Variants in ANTXR2 observed in about 807,000 individuals in gnomAD.
ANTXR2 encodes the protein ANTXR cell adhesion molecule 2.
In ANTXR2, 44 loss-of-function variants were observed where a neutral mutation model predicts 73.7. The ratio of observed to expected loss-of-function variants is 0.60; its 90% CI spans 0.47 to 0.77. The LOEUF (loss-of-function observed/expected upper bound fraction) is 0.77, where lower values mean the gene tolerates loss of function less well. Among genes scored for constraint, ANTXR2 ranks in the 30% least tolerant of loss-of-function variants. ANTXR2 has a pLI of 0.00. For synonymous variants in ANTXR2, 217 were observed against 205.9 expected, an observed-to-expected ratio of 1.05 and a Z score of -0.46; for missense variants, 604 against 592.5, an observed-to-expected ratio of 1.02 and a Z score of -0.20.
In ANTXR2 at chr4:79,907,353, T is replaced by C; in HGVS notation, c.*76A>G. ...CCAAAAGCTTCTGAAATGCACTTGA[T>C]TTTTTTCATTTGGTTGAAAATCAGC... On this transcript the variant is annotated 3_prime_UTR_variant, in exon 17 of 17. Coordinates refer to ENST00000403729, the MANE Select transcript of ANTXR2 (RefSeq NM_058172.6). 1 of 1,502,124 alleles carries C rather than the reference T, an allele frequency of 6.7e-7. No homozygotes were observed. The highest frequency in any genetic ancestry group is 1.8e-5 in the Admixed American group (1 of 56,850). 93.0% of individuals were successfully genotyped at this position (1,502,124 alleles called of 1,614,324 possible).
rs573637437 is a variant in ANTXR2, at chr4:80,003,831, C to G, written c.1041+4690G>C. ...TTAGTGGGCATGTGAGATGGTACCA[C>G]CACTCTGGGTAACAGTTTGGCAGTT... On this transcript the variant is annotated intron_variant, in intron 12 of 16. Coordinates refer to ENST00000403729, the MANE Select transcript of ANTXR2 (RefSeq NM_058172.6). Among the ~76,000 whole-genome samples the G allele has an allele frequency of 6.2e-4, 95 of 152,178 alleles. 1 individual carries two copies. In the Middle Eastern group the frequency reaches 0.01, roughly 16 times the overall value.
At chr4:79,993,647 C>T (rs1438562124) in intron 12 of ANTXR2, among the ~76,000 whole-genome samples, 1 of 151,710 alleles carries the variant, frequency 6.6e-6, no homozygotes, top group African/African-American at 2.4e-5. Context: ...GGCAAGGAAC[C>T]CACATCATTT....
intron 8 of ANTXR2, 66 bp from the exon 9 acceptor site, chr4:80,033,636 G>T (rs528932475): frequency 2.5e-6 from 3 of 1,209,420 alleles, no homozygotes; most frequent in East Asian, 2.5e-5. Context: ...AACACAAGCT[G>T]AAATGAAAGT....
intron 16 of ANTXR2, among the ~76,000 whole-genome samples, chr4:79,923,252 A>G (rs774097744): frequency 1.3e-5 from 2 of 152,190 alleles, no homozygotes; most frequent in Non-Finnish European, 2.9e-5. Flanking sequence ...AAAACAAAAT[A>G]CAATGGTCGA....
intron 3 of ANTXR2, among the ~76,000 whole-genome samples, chr4:80,058,054 G>A (rs935138572): frequency 6.6e-6 from 1 of 152,052 alleles, no homozygotes; most frequent in African/African-American, 2.4e-5. Context: ...TTTCAGAAAT[G>A]AGTGGCAGTG....
At chr4:80,045,850 A>G (rs59851596) in intron 7 of ANTXR2, among the ~76,000 whole-genome samples, 23,231 of 151,634 alleles carry the variant, frequency 0.15, 2,590 homozygotes, top group African/African-American at 0.32. Flanking sequence ...ATGGCTTCCA[A>G]ACACCCCAGC....
At chr4:79,931,992 C>T (rs1307637073) in intron 16 of ANTXR2, among the ~76,000 whole-genome samples, 2 of 152,168 alleles carry the variant, frequency 1.3e-5, no homozygotes, top group African/African-American at 2.4e-5. Context: ...CAAAATATGC[C>T]GCCTACAGAT....
chr4:79,991,252 CA>C (rs1200793905), intron 12 of ANTXR2, among the ~76,000 whole-genome samples: 1 of 151,314 alleles, frequency 6.6e-6, no homozygotes, highest in Non-Finnish European at 1.5e-5. Flanking sequence ...AATCAAAAGG[CA>C]AAAAACAAAC....
In ANTXR2 at chr4:80,069,424, T is replaced by C. The variant is rs1377029050; in HGVS notation, c.296+12A>G. ...CTACTAAAAGCCTGCAGTGAAATGATAATGCACTAACCTGTCTCCAGTTAA... is the reference window on the plus strand; with the variant it reads ...CTACTAAAAGCCTGCAGTGAAATGACAATGCACTAACCTGTCTCCAGTTAA... On this transcript the variant is annotated intron_variant, in intron 3 of 16. Coordinates refer to ENST00000403729, the MANE Select transcript of ANTXR2 (RefSeq NM_058172.6). The C allele has an allele frequency of 2.6e-6, 4 of 1,564,470 alleles. No individual in the cohort carries two copies. Among genetic ancestry groups the C allele is most frequent in the African/African-American group, 2.7e-5 (2 of 73,794 alleles).
chr4:80,031,843 G>T (rs1732712757), intron 9 of ANTXR2, among the ~76,000 whole-genome samples, 151 bp from the exon 10 acceptor site: 1 of 151,388 alleles, frequency 6.6e-6, no homozygotes, highest in Non-Finnish European at 1.5e-5. Flanking sequence ...AAGTGAAAGG[G>T]AATGAAAAAT....
intron 3 of ANTXR2, among the ~76,000 whole-genome samples, chr4:80,064,568 A>C (rs987776609): frequency 1.3e-5 from 2 of 152,234 alleles, no homozygotes; most frequent in Non-Finnish European, 2.9e-5. Context: ...AACCACTTGA[A>C]AATGTGATAA....
chr4:80,054,590 T>C (rs1733908724), intron 6 of ANTXR2, among the ~76,000 whole-genome samples: 1 of 90,098 alleles, frequency 1.1e-5, no homozygotes, highest in African/African-American at 3.4e-5. Flanking sequence ...CAAGTGCAAT[T>C]TCAAAACAGT....
intron 10 of ANTXR2, among the ~76,000 whole-genome samples, chr4:80,025,949 T>C (rs946892852): frequency 3.3e-5 from 5 of 152,208 alleles, no homozygotes; most frequent in Non-Finnish European, 4.4e-5. Context: ...GTTCTGAGTA[T>C]TGCACTAAAA....
intron 16 of ANTXR2, among the ~76,000 whole-genome samples, chr4:79,946,545 G>A (rs1312150423): frequency 6.6e-6 from 1 of 152,012 alleles, no homozygotes; most frequent in Non-Finnish European, 1.5e-5. Flanking sequence ...CCCCAGGCAG[G>A]GGCTGTAATC....
chr4:80,010,323 A>T (rs1731511391), intron 11 of ANTXR2, among the ~76,000 whole-genome samples: 1 of 152,216 alleles, frequency 6.6e-6, no homozygotes, highest in Non-Finnish European at 1.5e-5. Context: ...AAACTGTGGT[A>T]CCCTATGGGA....
rs571344552 is a variant in ANTXR2, at chr4:79,972,995, TA to T, written c.1428+4625del. The stretch of plus-strand genomic sequence containing the variant: ...ACAAGAAGCCAACTGAAAATTAACA[TA>T]TAAAAATGTATAAACTAGTATAAGA... On this transcript the variant is annotated intron_variant, in intron 16 of 16. Coordinates refer to ENST00000403729, the MANE Select transcript of ANTXR2 (RefSeq NM_058172.6). 5.4e-5 allele frequency among the ~76,000 whole-genome samples: 8 copies of T among 148,156 alleles called. No individual in the cohort carries two copies. The East Asian group carries it at 1.6e-3, about 29-fold the overall frequency.
intron 14 of ANTXR2, among the ~76,000 whole-genome samples, chr4:79,979,064 C>T (rs1024991967): frequency 2.6e-5 from 4 of 152,084 alleles, no homozygotes; most frequent in South Asian, 2.1e-4. Context: ...GAGAATTCCA[C>T]AAATTATAGC....
At position 79,983,971 on chromosome 4, in the gene ANTXR2, C is replaced by T. The variant is rs1312776461; in HGVS notation, c.1087-1G>A. 6.4e-7 allele frequency: 1 copy of T among 1,573,952 alleles called. No homozygotes were observed. On this transcript the variant is annotated splice_acceptor_variant, in intron 13 of 16. Transcript: ENST00000403729. LOFTEE classifies it high-confidence loss of function. ...TAGTAGGCAAAGGTTCTTCTTCCTC[C>T]TGTGGAAATATGTTTTATAAATAGT...
intron 12 of ANTXR2, among the ~76,000 whole-genome samples, chr4:80,008,033 G>A (rs1731389772): frequency 6.6e-6 from 1 of 152,072 alleles, no homozygotes; most frequent in African/African-American, 2.4e-5. Context: ...TACTCCAAAA[G>A]TAGCAGTTTA....
Sources: allele counts gnomAD v4.1 joint callset (sites outside exome capture counted in the v4.1 genomes callset), GRCh38; gene constraint gnomAD v4.1.1; transcripts MANE v1.5; gene names NCBI Gene and HGNC (gene_info 2026-07-23, HGNC 2026-07-21).